Variants in KLHL1 observed in about 807,000 individuals in gnomAD.
The protein encoded by KLHL1 is kelch like family member 1.
KLHL1 carries 47 observed loss-of-function variants against 77.7 expected under a neutral mutation model. The ratio of observed to expected loss-of-function variants is 0.60; its 90% CI spans 0.48 to 0.77. The LOEUF (loss-of-function observed/expected upper bound fraction) is 0.77. Among genes scored for constraint, KLHL1 ranks in the 30% least tolerant of loss-of-function variants. The probability of loss-of-function intolerance (pLI) is 0.00; values close to 1 mark genes in which losing one functional copy is unlikely to be tolerated. For synonymous variants in KLHL1, 360 were observed against 325.2 expected (o/e 1.11, Z -1.15); for missense variants, 925 against 910.8 (o/e 1.02, Z -0.20).
intron 4 of KLHL1, among the ~76,000 whole-genome samples, chr13:69,901,170 T>G (rs546054522): frequency 6.6e-6 from 1 of 152,376 alleles, no homozygotes; most frequent in African/African-American, 2.4e-5. Flanking sequence ...ATGCAAAGAC[T>G]TATTTGGTTA....
At chr13:69,789,052 TATC>T (rs1876724391) in intron 7 of KLHL1, among the ~76,000 whole-genome samples, 2 of 151,862 alleles carry the variant, frequency 1.3e-5, no homozygotes, top group Non-Finnish European at 1.5e-5. Flanking sequence ...TCTATCTATC[TATC>T]TATCTATCTA....
At chr13:70,020,810 TAC>T (rs1491453476) in intron 1 of KLHL1, among the ~76,000 whole-genome samples, 2 of 152,100 alleles carry the variant, frequency 1.3e-5, no homozygotes, top group Non-Finnish European at 2.9e-5. Flanking sequence ...TATGCATACA[TAC>T]ACATACACAT....
At chr13:70,024,624 C>CTCTCTCTCTCTCTT (rs1314526697) in intron 1 of KLHL1, among the ~76,000 whole-genome samples, 2 of 49,908 alleles carry the variant, frequency 4.0e-5, no homozygotes, top group South Asian at 4.9e-4. Context: ...AAAGATTTCT[C>CTCTCTCTCTCTCTT]TCTCTCTCTC....
At chr13:70,011,985 A>G (rs1005553144) in intron 1 of KLHL1, among the ~76,000 whole-genome samples, 10 of 152,152 alleles carry the variant, frequency 6.6e-5, no homozygotes, top group Non-Finnish European at 1.2e-4. Flanking sequence ...GCAGGCAAAG[A>G]GAGAGAGCTT....
At chr13:69,827,628 G>T (rs887729261) in intron 6 of KLHL1, among the ~76,000 whole-genome samples, 2 of 151,480 alleles carry the variant, frequency 1.3e-5, no homozygotes, top group African/African-American at 4.9e-5. Context: ...TACTCGGGAG[G>T]CTGAGGTAGG....
intron 3 of KLHL1, among the ~76,000 whole-genome samples, chr13:69,959,612 T>C (rs1365760682): frequency 6.6e-6 from 1 of 151,252 alleles, no homozygotes; most frequent in African/African-American, 2.4e-5. Flanking sequence ...AGATGTTAAG[T>C]CTTTTTAAAA....
chr13:69,746,667 AT>A (rs564663835), intron 7 of KLHL1, among the ~76,000 whole-genome samples: 2 of 151,212 alleles, frequency 1.3e-5, no homozygotes, highest in African/African-American at 2.4e-5. Context: ...AAAATATTTC[AT>A]TTTTTTCCTT....
chr13:70,071,444 A>G (rs1349067336), intron 1 of KLHL1, among the ~76,000 whole-genome samples: 1 of 152,116 alleles, frequency 6.6e-6, no homozygotes, highest in Non-Finnish European at 1.5e-5. Flanking sequence ...GGAAAGATAC[A>G]GCAGGCAGAA....
chr13:69,701,479 GAACT>G lies in KLHL1; in HGVS notation c.*219_*222del, dbSNP rs1262820392. Reference sequence around the variant, plus strand: ...AAACAAATTACCAATAACCATTCCCGAACTAACTAACATATGGCCAGACATTTTT... The same window carrying G: ...AAACAAATTACCAATAACCATTCCCGAACTAACATATGGCCAGACATTTTT... On this transcript the variant is annotated 3_prime_UTR_variant, in exon 11 of 11. Transcript: ENST00000377844. 2.0e-5 allele frequency: 9 copies of G among 454,272 alleles called. No homozygotes were observed. Among genetic ancestry groups the G allele is most frequent in the East Asian group, 1.2e-4 (3 of 25,326 alleles). The allele number at this position is 454,272 out of a possible 1,614,324, so 28.1% of individuals were successfully genotyped here. A position where few individuals can be genotyped will look rare whatever the true frequency, so the allele number is the denominator to read the frequency against.
rs143044838 is a variant in KLHL1, at chr13:70,063,898, A to G, written c.497+43305T>C. Among the ~76,000 whole-genome samples, 282 of 152,156 alleles carry G rather than the reference A, an allele frequency of 1.9e-3. 10 individuals are homozygous for G. In the East Asian group the frequency reaches 0.043, roughly 23 times the overall value. ...TTTATAGGTGTGTTTATATGATTGG[A>G]TGCTTTCTTTTTCTTCCTAGGGTTT... On this transcript the variant is annotated intron_variant, in intron 1 of 10. Transcript: ENST00000377844.
At chr13:70,029,784 C>T (rs1343892370) in intron 1 of KLHL1, among the ~76,000 whole-genome samples, 1 of 152,144 alleles carries the variant, frequency 6.6e-6, no homozygotes, top group Non-Finnish European at 1.5e-5. Context: ...GGGCTAAATG[C>T]TCCAATTAAA....
intron 2 of KLHL1, among the ~76,000 whole-genome samples, chr13:69,970,452 T>A (rs927888614): frequency 6.6e-6 from 1 of 152,136 alleles, no homozygotes; most frequent in Non-Finnish European, 1.5e-5. Context: ...TCTTTGAATG[T>A]GTTCTTGCCT....
intron 5 of KLHL1, among the ~76,000 whole-genome samples, chr13:69,869,131 G>GA (rs944414585): frequency 6.6e-6 from 1 of 151,198 alleles, no homozygotes. Flanking sequence ...TAATATAAAA[G>GA]AAAAAAAGGG....
chr13:69,751,991 A>G (rs1874508281), intron 7 of KLHL1, among the ~76,000 whole-genome samples: 1 of 152,154 alleles, frequency 6.6e-6, no homozygotes. Flanking sequence ...ACAACCTGGC[A>G]ATGTGACCTT....
intron 1 of KLHL1, among the ~76,000 whole-genome samples, chr13:70,073,324 C>T (rs953139347): frequency 6.6e-6 from 1 of 151,980 alleles, no homozygotes; most frequent in African/African-American, 2.4e-5. Flanking sequence ...AACCAAACAC[C>T]ACATGTTCTC....
At chr13:69,898,812 C>A (rs1205187669) in intron 4 of KLHL1, among the ~76,000 whole-genome samples, 1 of 152,006 alleles carries the variant, frequency 6.6e-6, no homozygotes, top group African/African-American at 2.4e-5. Context: ...CTATTCAATG[C>A]CACATGTAGC....
chr13:69,939,382 C>CACACACAT (rs1883293866), intron 4 of KLHL1, among the ~76,000 whole-genome samples: 1 of 79,198 alleles, frequency 1.3e-5, no homozygotes, highest in African/African-American at 5.2e-5. Flanking sequence ...TATATATACA[C>CACACACAT]ACACACACGC....
In KLHL1 at chr13:69,707,081, C is replaced by A. The variant is rs118063044; in HGVS notation, c.2187+544G>T. On this transcript the variant is annotated intron_variant, in intron 10 of 10. Transcript: ENST00000377844. ...CACTACATGACAGGCTATGCAAAGC[C>A]CTTTCCTGTTTATTCTTTTAATTGA... 5.2e-4 allele frequency among the ~76,000 whole-genome samples: 79 copies of A among 152,024 alleles called. 1 individual carries two copies. The East Asian group carries it at 0.015, about 28-fold the overall frequency.
At position 69,809,263 on chromosome 13, in the gene KLHL1, T is replaced by C. The variant is rs1009735467; in HGVS notation, c.1415-12301A>G. 5.3e-5 allele frequency among the ~76,000 whole-genome samples: 8 copies of C among 152,252 alleles called. No homozygotes were observed. The East Asian group carries it at 1.4e-3, about 26-fold the overall frequency. The stretch of plus-strand genomic sequence containing the variant: ...CCCAAGGCACACAGTCATCAGACTA[T>C]GCAAGGTCAATGCAAAAGAAAAAAA... On this transcript the variant is annotated intron_variant, in intron 6 of 10. Coordinates refer to ENST00000377844, the MANE Select transcript of KLHL1 (RefSeq NM_020866.3).
Sources: gnomAD v4.1 joint callset for allele counts (sites outside exome capture counted in the v4.1 genomes callset) on GRCh38, gnomAD v4.1.1 for gene constraint, MANE v1.5 for transcripts, NCBI Gene and HGNC (gene_info 2026-07-23, HGNC 2026-07-21) for gene names.